UXS1: variants seen among roughly 807,000 people sequenced by gnomAD.
UXS1 encodes UDP-glucuronic acid decarboxylase 1.
In UXS1, 33 loss-of-function variants were observed where a neutral mutation model predicts 62.6. The observed-to-expected ratio is 0.53, with a 90% CI of 0.40 to 0.70. UXS1 has a LOEUF of 0.70. UXS1 is among the 30% of genes least tolerant of loss of function. The probability of loss-of-function intolerance (pLI) is 0.00; values close to 1 mark genes in which losing one functional copy is unlikely to be tolerated. For synonymous variants in UXS1, 213 were observed against 206.8 expected (o/e 1.03, Z -0.26); for missense variants, 434 against 556.3 (o/e 0.78, Z 2.21).
chr2:106,172,233 G>T (rs1041962978), intron 1 of UXS1, among the ~76,000 whole-genome samples: 14 of 152,198 alleles, frequency 9.2e-5, no homozygotes, highest in African/African-American at 3.4e-4. Context: ...GGGGGGCGGG[G>T]TGGATCCACC....
intron 4 of UXS1, among the ~76,000 whole-genome samples, chr2:106,162,579 T>C (rs534323316): frequency 3.3e-4 from 51 of 152,360 alleles, no homozygotes; most frequent in African/African-American, 1.2e-3. Flanking sequence ...TCAATTCTGC[T>C]GTCTTATCAA....
At chr2:106,122,173 A>G (rs892942077) in intron 9 of UXS1, among the ~76,000 whole-genome samples, 1 of 152,254 alleles carries the variant, frequency 6.6e-6, no homozygotes, top group African/African-American at 2.4e-5. Flanking sequence ...AACGTTCCAC[A>G]GCCATGTTGA....
intron 5 of UXS1, among the ~76,000 whole-genome samples, chr2:106,152,487 G>GAGGA (rs1396353155): frequency 3.8e-5 from 1 of 26,020 alleles, no homozygotes; most frequent in African/African-American, 1.3e-4. Context: ...GGAAGGAAGG[G>GAGGA]AGGGAGAGAG....
intron 1 of UXS1, among the ~76,000 whole-genome samples, chr2:106,169,991 G>C (rs987820318): frequency 1.3e-5 from 2 of 152,140 alleles, no homozygotes; most frequent in African/African-American, 4.8e-5. Flanking sequence ...CCACTTCTGT[G>C]TCTCAGACCT....
At position 106,093,938 on chromosome 2, in the gene UXS1, A is replaced by C; in HGVS notation, c.*88T>G. 1 of 1,453,774 alleles carries C rather than the reference A, an allele frequency of 6.9e-7. No homozygotes were observed. Among genetic ancestry groups the C allele is most frequent in the Admixed American group, 2.8e-5 (1 of 35,832 alleles). The allele number at this position is 1,453,774 out of a possible 1,614,324, so 90.1% of individuals were successfully genotyped here. A position where few individuals can be genotyped will look rare whatever the true frequency, so the allele number is the denominator to read the frequency against. On this transcript the variant is annotated 3_prime_UTR_variant, in exon 15 of 15. Coordinates refer to ENST00000283148, the MANE Select transcript of UXS1 (RefSeq NM_001253875.2). Reference sequence around the variant, plus strand: ...GTTTGTTCTTCATGACACCTGTTAAAGTCTTTCTTTAAACGACAACAAAAA... The same window carrying C: ...GTTTGTTCTTCATGACACCTGTTAACGTCTTTCTTTAAACGACAACAAAAA...
chr2:106,103,369 C>T (rs772731845), intron 11 of UXS1, among the ~76,000 whole-genome samples: 3 of 152,204 alleles, frequency 2.0e-5, no homozygotes, highest in Non-Finnish European at 2.9e-5. Flanking sequence ...CTGGGCGCCA[C>T]TGGTGAGGCA....
At chr2:106,179,211 G>A (rs1395630479) in intron 1 of UXS1, among the ~76,000 whole-genome samples, 1 of 152,072 alleles carries the variant, frequency 6.6e-6, no homozygotes, top group Admixed American at 6.5e-5. Context: ...GATGCCCAAA[G>A]GATCCTTTGT....
At chr2:106,192,451 G>C (rs1433716878) in intron 1 of UXS1, among the ~76,000 whole-genome samples, 1 of 152,018 alleles carries the variant, frequency 6.6e-6, no homozygotes, top group African/African-American at 2.4e-5. Context: ...TTACTTGGGA[G>C]GCTGAGGCAG....
At chr2:106,121,337 G>A (rs916688986) in intron 9 of UXS1, among the ~76,000 whole-genome samples, 4 of 152,182 alleles carry the variant, frequency 2.6e-5, no homozygotes, top group Admixed American at 6.5e-5. Context: ...TACATTAGCC[G>A]AATAATCATT....
rs371765531 is a variant in UXS1, at chr2:106,142,364, C to T, written c.472+2826G>A. Among the ~76,000 whole-genome samples the T allele has an allele frequency of 2.0e-5, 3 of 152,130 alleles. No individual in the cohort carries two copies. In the East Asian group the frequency reaches 5.8e-4, roughly 29 times the overall value. ...AAATATATAAACAAGAAACCTAATT[C>T]TTTCATTTAGTTCAAAGTATGTTTA... On this transcript the variant is annotated intron_variant, in intron 6 of 14. Coordinates refer to ENST00000283148, the MANE Select transcript of UXS1 (RefSeq NM_001253875.2).
At chr2:106,112,412 G>A (rs1453282809) in intron 10 of UXS1, among the ~76,000 whole-genome samples, 1 of 152,234 alleles carries the variant, frequency 6.6e-6, no homozygotes, top group Admixed American at 6.5e-5. Flanking sequence ...AGACCTGGAG[G>A]CATGGGCAGG....
At chr2:106,112,027 A>G (rs1678657377) in intron 10 of UXS1, among the ~76,000 whole-genome samples, 1 of 152,198 alleles carries the variant, frequency 6.6e-6, no homozygotes, top group Non-Finnish European at 1.5e-5. Flanking sequence ...AAGGGAGGCC[A>G]GAGGGCTGTG....
At chr2:106,101,159 A>T in intron 11 of UXS1, 41 bp from the exon 12 acceptor site, 2 of 1,611,206 alleles carry the variant, frequency 1.2e-6, no homozygotes, top group Non-Finnish European at 1.7e-6. Flanking sequence ...TGCCTGCTGG[A>T]ATATGCTAGT....
At chr2:106,137,973 T>C (rs963085338) in intron 6 of UXS1, among the ~76,000 whole-genome samples, 7 of 152,102 alleles carry the variant, frequency 4.6e-5, no homozygotes, top group Non-Finnish European at 8.8e-5. Context: ...TCACCCTACA[T>C]TCCTCAAAGA....
chr2:106,103,469 C>T (rs1319506066), intron 11 of UXS1, among the ~76,000 whole-genome samples: 13 of 152,146 alleles, frequency 8.5e-5, no homozygotes, highest in South Asian at 2.1e-4. Context: ...GATAAGAACG[C>T]GTCACTATGG....
At chr2:106,122,841 A>G in intron 9 of UXS1, 129 bp downstream of exon 9, 1 of 1,250,912 alleles carries the variant, frequency 8.0e-7, no homozygotes, top group Non-Finnish European at 1.1e-6. Flanking sequence ...TAATACTGGG[A>G]AACTGAGCTT....
intron 12 of UXS1, among the ~76,000 whole-genome samples, chr2:106,099,915 C>T (rs1255164488): frequency 2.0e-5 from 3 of 152,194 alleles, no homozygotes; most frequent in South Asian, 4.1e-4. Flanking sequence ...TTCTTTCCTA[C>T]GTGATGAGAA....
At chr2:106,179,379 G>A (rs969861731) in intron 1 of UXS1, among the ~76,000 whole-genome samples, 1 of 151,956 alleles carries the variant, frequency 6.6e-6, no homozygotes, top group Non-Finnish European at 1.5e-5. Context: ...AACCCTGTGC[G>A]GCCTCACCCC....
intron 6 of UXS1, among the ~76,000 whole-genome samples, chr2:106,143,475 C>T (rs1681312285): frequency 7.0e-6 from 1 of 142,116 alleles, no homozygotes; most frequent in South Asian, 2.3e-4. Flanking sequence ...AATGAGGGCC[C>T]AGTGCTGTGC....
Sources: allele counts gnomAD v4.1 joint callset (sites outside exome capture counted in the v4.1 genomes callset), GRCh38; gene constraint gnomAD v4.1.1; transcripts MANE v1.5; gene names NCBI Gene and HGNC (gene_info 2026-07-23, HGNC 2026-07-21).